Variants in SULT1C2 observed in about 807,000 individuals in gnomAD.
SULT1C2 encodes sulfotransferase 1C2.
In SULT1C2, 27 loss-of-function variants were observed where a neutral mutation model predicts 36.0. That is an observed-to-expected ratio of 0.75 (90% CI 0.55 to 1.03). SULT1C2 has a LOEUF of 1.03. Ranked by LOEUF, SULT1C2 falls within the 50% of genes least tolerant of loss-of-function variation. The pLI is 0.00. For synonymous variants in SULT1C2, 121 were observed against 116.0 expected (o/e 1.04, Z -0.27); for missense variants, 395 against 359.2 (o/e 1.10, Z -0.80).
In SULT1C2 at chr2:108,293,830, G is replaced by A. The variant is rs769377981; in HGVS notation, c.151+12G>A. On this transcript the variant is annotated intron_variant, in intron 2 of 7. Transcript: ENST00000251481. ...CTACCCTAAAGCAGGTGATTGCAGG[G>A]TAGGAGGGACAGCAAAGACCTGCTG... 2.5e-6 allele frequency: 4 copies of A among 1,611,838 alleles called. No homozygotes were observed. The Admixed American group carries it at 6.7e-5, about 27-fold the overall frequency.
intron 4 of SULT1C2, chr2:108,303,627 G>C (rs548686828): frequency 2.0e-5 from 3 of 152,174 alleles, no homozygotes; most frequent in Non-Finnish European, 4.4e-5. Context: ...AAAGCCCCAG[G>C]ATGTCAAAGC....
At chr2:108,292,508 C>T (rs10177500) in intron 1 of SULT1C2, among the ~76,000 whole-genome samples, 4,676 of 151,254 alleles carry the variant, frequency 0.031, 229 homozygotes, top group African/African-American at 0.11. Flanking sequence ...AGATGCTCAA[C>T]ATCATTAGAC....
chr2:108,293,222 A>G (rs1422892767), intron 1 of SULT1C2, among the ~76,000 whole-genome samples: 2 of 151,500 alleles, frequency 1.3e-5, no homozygotes, highest in African/African-American at 2.4e-5. Flanking sequence ...GTATATCTAC[A>G]GTGAACTAGG....
chr2:108,308,588 T>C lies in SULT1C2; in HGVS notation c.*124T>C, dbSNP rs1038329031. 51 of 735,284 alleles carry C rather than the reference T, an allele frequency of 6.9e-5. No individual in the cohort carries two copies. The Admixed American group carries it at 1.8e-3, about 25-fold the overall frequency. 45.5% of individuals were successfully genotyped at this position (735,284 alleles called of 1,614,324 possible). On this transcript the variant is annotated 3_prime_UTR_variant, in exon 8 of 8. Coordinates refer to ENST00000251481, the MANE Select transcript of SULT1C2 (RefSeq NM_001056.4). ...AATGTATACAATGTAGTACAAACAA[T>C]CTCTGTGATGATTAACAGTATGTCA... is the stretch of plus-strand genomic sequence containing the variant.
intron 1 of SULT1C2, among the ~76,000 whole-genome samples, chr2:108,293,349 C>T (rs1676643095): frequency 6.6e-6 from 1 of 151,954 alleles, no homozygotes; most frequent in African/African-American, 2.4e-5. Flanking sequence ...CACAAAAGGA[C>T]AGATGTTATG....
intron 1 of SULT1C2, among the ~76,000 whole-genome samples, chr2:108,293,179 CAAAAAAAAAA>C (rs397869118): frequency 3.7e-5 from 2 of 54,080 alleles, no homozygotes; most frequent in African/African-American, 7.1e-5. Flanking sequence ...GACTCTGTCT[CAAAAAAAAAA>C]AAAAAAAAAA....
At chr2:108,304,913 A>G (rs887767928) in intron 5 of SULT1C2, among the ~76,000 whole-genome samples, 8 of 152,202 alleles carry the variant, frequency 5.3e-5, no homozygotes, top group Non-Finnish European at 1.2e-4. Context: ...AATTACAGCC[A>G]TCCTCTTCCA....
At chr2:108,295,545 A>G (rs1485261362) in intron 3 of SULT1C2, among the ~76,000 whole-genome samples, 1 of 152,154 alleles carries the variant, frequency 6.6e-6, no homozygotes, top group African/African-American at 2.4e-5. Context: ...CAACGTTTAA[A>G]TCCTGACTCC....
chr2:108,296,042 G>A (rs556481110), intron 3 of SULT1C2, among the ~76,000 whole-genome samples: 15 of 152,074 alleles, frequency 9.9e-5, no homozygotes, highest in Non-Finnish European at 1.9e-4. Flanking sequence ...CTCCTGCCTC[G>A]GCCTTCCAAG....
At chr2:108,289,858 G>C (rs569592504) in intron 1 of SULT1C2, among the ~76,000 whole-genome samples, 1 of 152,270 alleles carries the variant, frequency 6.6e-6, no homozygotes, top group Non-Finnish European at 1.5e-5. Flanking sequence ...CCTTCTCCCA[G>C]CTTTAGCCAG....
intron 1 of SULT1C2, among the ~76,000 whole-genome samples, chr2:108,291,972 G>A (rs939276372): frequency 1.3e-5 from 2 of 152,006 alleles, no homozygotes; most frequent in African/African-American, 2.4e-5. Context: ...TCCAAAAATT[G>A]TCTTCATCTT....
intron 3 of SULT1C2, chr2:108,300,482 C>G: frequency 2.8e-6 from 1 of 355,324 alleles, no homozygotes; most frequent in South Asian, 1.3e-4. Context: ...ATGAGACAGC[C>G]TGCTGCAGGC....
At chr2:108,293,234 A>G (rs1245008650) in intron 1 of SULT1C2, among the ~76,000 whole-genome samples, 1 of 151,236 alleles carries the variant, frequency 6.6e-6, no homozygotes, top group Non-Finnish European at 1.5e-5. Flanking sequence ...TGAACTAGGG[A>G]AGGAAATCCC....
chr2:108,291,047 C>G lies in SULT1C2; in HGVS notation c.-22+1977C>G, dbSNP rs190366501. ...TAAAATCAAGGTGTTGGCAGGGCTG[C>G]GTTCCCTTCTGGAGGGTCTGAAGAA... On this transcript the variant is annotated intron_variant, in intron 1 of 7. Coordinates refer to ENST00000251481, the MANE Select transcript of SULT1C2 (RefSeq NM_001056.4). Among the ~76,000 whole-genome samples, 7 of 152,270 alleles carry G rather than the reference C, an allele frequency of 4.6e-5. No individual in the cohort carries two copies. In the East Asian group the frequency reaches 1.3e-3, roughly 29 times the overall value.
intron 1 of SULT1C2, 88 bp from the exon 2 acceptor site, chr2:108,293,559 C>A: frequency 7.7e-7 from 1 of 1,293,750 alleles, no homozygotes; most frequent in East Asian, 2.4e-5. Context: ...CTGAACTGTA[C>A]ACCTAACGAT....
At position 108,305,188 on chromosome 2, in the gene SULT1C2, G is replaced by GC; in HGVS notation, c.519_520insC (p.Phe174LeufsTer2). The GC allele has an allele frequency of 6.2e-7, 1 of 1,614,138 alleles. No individual in the cohort carries two copies. Among genetic ancestry groups the GC allele is most frequent in the Non-Finnish European group, 8.5e-7 (1 of 1,180,020 alleles). On this transcript the variant is annotated frameshift_variant, in exon 6 of 8. Coordinates refer to ENST00000251481, the MANE Select transcript of SULT1C2 (RefSeq NM_001056.4). LOFTEE classifies it high-confidence loss of function. The stretch of plus-strand genomic sequence containing the variant: ...CTATTTCAGTGGTTTGGGGTTCCTG[G>GC]TTTGACCACGTGAAAGGATGGTGGG...
In SULT1C2 at chr2:108,305,410, C is replaced by T. The variant is rs370549524; in HGVS notation, c.598-5C>T. ...CATTCCAGTCCAATGTTACCCTTGC[C>T]GCAGGACCCAAAGCATGAAATTCGG... On this transcript the variant is annotated splice_polypyrimidine_tract_variant and splice_region_variant and intron_variant, in intron 6 of 7. Coordinates refer to ENST00000251481, the MANE Select transcript of SULT1C2 (RefSeq NM_001056.4). 25 of 1,613,298 alleles carry T rather than the reference C, an allele frequency of 1.5e-5. No homozygotes were observed. Among genetic ancestry groups the T allele is most frequent in the Middle Eastern group, 1.6e-4 (1 of 6,084 alleles).
rs768393643 is a variant in SULT1C2 at position 108,304,683 on chromosome 2, C to T, written c.485C>T (p.Thr162Ile). Residue 162 changes from threonine (T) to isoleucine (I), a missense_variant, in exon 5 of 8, where the codon ACC becomes ATC. Physicochemically the swap from Thr to Ile is moderately conservative, Grantham distance 89 (BLOSUM62 -1). Coordinates refer to ENST00000251481, the MANE Select transcript of SULT1C2 (RefSeq NM_001056.4). ...DPGTWEEYFE[T>I]FINGKVVWGS... ...GGTACCTGGGAAGAGTATTTTGAAA[C>T]CTTCATCAATGGAAAAGGTACGGGA... 6 of 1,612,964 alleles carry T rather than the reference C, an allele frequency of 3.7e-6. No individual in the cohort carries two copies. The highest frequency in any genetic ancestry group is 5.1e-6 in the Non-Finnish European group (6 of 1,179,596).
Position 108,309,885 on chromosome 2 carries a change from T to C in SULT1C2, c.*1421T>C, listed in dbSNP as rs991445561. On this transcript the variant is annotated 3_prime_UTR_variant, in exon 8 of 8. Coordinates refer to ENST00000251481, the MANE Select transcript of SULT1C2 (RefSeq NM_001056.4). ...GCTTCAAATAAGCACCTTTTTATTA[T>C]GTAAATAAATAAAAGTTATCTGTAT... is the stretch of plus-strand genomic sequence containing the variant. 2.0e-5 allele frequency: 3 copies of C among 152,264 alleles called. No homozygotes were observed. The highest frequency in any genetic ancestry group is 4.8e-5 in the African/African-American group (2 of 41,472). 9.4% of individuals were successfully genotyped at this position (152,264 alleles called of 1,614,324 possible). A position where few individuals can be genotyped will look rare whatever the true frequency, so the allele number is the denominator to read the frequency against.
Sources: gnomAD v4.1 joint callset for allele counts (sites outside exome capture counted in the v4.1 genomes callset) on GRCh38, gnomAD v4.1.1 for gene constraint, MANE v1.5 for transcripts, NCBI Gene and HGNC (gene_info 2026-07-23, HGNC 2026-07-21) for gene names.